The following MAP2K4 variants were observed in gnomAD, a reference collection of about 807,000 sequenced individuals.
The protein encoded by MAP2K4 is dual specificity mitogen-activated protein kinase kinase 4.
In MAP2K4, 4 loss-of-function variants were observed where a neutral mutation model predicts 48.5. The ratio of observed to expected loss-of-function variants is 0.08; its 90% confidence interval spans 0.04 to 0.19. MAP2K4 has a LOEUF of 0.19. MAP2K4 is among the 10% of genes least tolerant of loss of function. The pLI is 1.00. For synonymous variants in MAP2K4, 166 were observed against 173.1 expected, an observed-to-expected ratio of 0.96 and a Z score of 0.32; for missense variants, 258 against 493.3, an observed-to-expected ratio of 0.52 and a Z score of 4.52.
chr17:12,130,643 A>T (rs1972991825), intron 9 of MAP2K4, among the ~76,000 whole-genome samples: 1 of 152,160 alleles, frequency 6.6e-6, no homozygotes, highest in South Asian at 2.1e-4. Context: ...TAGACATTGG[A>T]GTCCCATTGT....
chr17:12,108,274 C>G (rs910196789), intron 5 of MAP2K4, among the ~76,000 whole-genome samples: 1 of 151,804 alleles, frequency 6.6e-6, no homozygotes, highest in Non-Finnish European at 1.5e-5. Context: ...CCTTGAAGCC[C>G]CATAATTGAA....
At chr17:12,040,216 ACT>A (rs1969735507) in intron 1 of MAP2K4, among the ~76,000 whole-genome samples, 1 of 152,224 alleles carries the variant, frequency 6.6e-6, no homozygotes, top group East Asian at 1.9e-4. Flanking sequence ...GAAGAGGTTG[ACT>A]CTCATTTTCA....
rs1216326359 is a variant in MAP2K4 at position 12,020,964 on chromosome 17, C to T, written c.78C>T (p.Ser26=). 1.7e-5 allele frequency: 21 copies of T among 1,215,076 alleles called. No individual in the cohort carries two copies. Among genetic ancestry groups the T allele is most frequent in the Admixed American group, 4.3e-5 (1 of 23,046 alleles). 75.3% of individuals were successfully genotyped at this position (1,215,076 alleles called of 1,614,324 possible). The change falls in exon 1 of 11, where the codon TCC becomes TCT. Residue 26 remains serine, a synonymous_variant. Transcript: ENST00000353533. ...GCGGCACCCCCGGCCCCGTAGGGTC[C>T]CCGGCGCCAGGCCACCCGGCCGTCA... is the stretch of plus-strand genomic sequence containing the variant. ...SGSGTPGPVG[S]PAPGHPAVSS...
At chr17:12,066,753 G>C (rs1176079967) in intron 2 of MAP2K4, among the ~76,000 whole-genome samples, 1 of 152,062 alleles carries the variant, frequency 6.6e-6, no homozygotes, top group Non-Finnish European at 1.5e-5. Context: ...GCTGTGGCGT[G>C]ATCTCCGCTC....
intron 2 of MAP2K4, among the ~76,000 whole-genome samples, chr17:12,074,092 T>G (rs1970915250): frequency 6.6e-6 from 1 of 152,204 alleles, no homozygotes; most frequent in Non-Finnish European, 1.5e-5. Context: ...GTTTTTGTGT[T>G]TAGACATTTG....
At chr17:12,101,643 G>C (rs1165371109) in intron 4 of MAP2K4, among the ~76,000 whole-genome samples, 2 of 152,032 alleles carry the variant, frequency 1.3e-5, no homozygotes. Flanking sequence ...ACAGTATTAA[G>C]TCTGTTGACC....
chr17:12,126,517 A>G (rs576202242), intron 8 of MAP2K4, among the ~76,000 whole-genome samples: 1 of 152,298 alleles, frequency 6.6e-6, no homozygotes, highest in South Asian at 2.1e-4. Flanking sequence ...CTGGTTCATA[A>G]ACAGCCATCT....
chr17:12,127,445 T>C (rs901729024), intron 8 of MAP2K4, among the ~76,000 whole-genome samples: 24 of 152,252 alleles, frequency 1.6e-4, no homozygotes, highest in African/African-American at 5.3e-4. Context: ...AAAGCAAGTA[T>C]GTACTTCTTT....
chr17:12,022,248 C>G (rs1445489619), intron 1 of MAP2K4, among the ~76,000 whole-genome samples: 3 of 152,142 alleles, frequency 2.0e-5, no homozygotes, highest in Non-Finnish European at 2.9e-5. Flanking sequence ...CTGTCACCCT[C>G]CCCATGAAAT....
At chr17:12,040,361 G>A (rs1049056716) in intron 1 of MAP2K4, among the ~76,000 whole-genome samples, 3 of 152,158 alleles carry the variant, frequency 2.0e-5, no homozygotes, top group Non-Finnish European at 4.4e-5. Context: ...CAGTACTGAA[G>A]GATATGAAAG....
At chr17:12,095,350 C>A in intron 3 of MAP2K4, 1 of 536,112 alleles carries the variant, frequency 1.9e-6, no homozygotes, top group Non-Finnish European at 3.4e-6. Flanking sequence ...GGTTAAATTG[C>A]CCTGTCTCCT....
chr17:12,075,095 G>A (rs1160854126), intron 2 of MAP2K4, among the ~76,000 whole-genome samples: 4 of 152,180 alleles, frequency 2.6e-5, no homozygotes, highest in African/African-American at 9.7e-5. Flanking sequence ...TTGAGAAAGA[G>A]CATCTCCAAA....
chr17:12,080,348 CT>C, intron 2 of MAP2K4, among the ~76,000 whole-genome samples: 1 of 152,204 alleles, frequency 6.6e-6, no homozygotes, highest in Middle Eastern at 3.4e-3. Context: ...TTAATGAATT[CT>C]TTCATTGTGT....
intron 1 of MAP2K4, among the ~76,000 whole-genome samples, chr17:12,025,207 A>G (rs747624838): frequency 6.6e-6 from 1 of 152,236 alleles, no homozygotes; most frequent in Non-Finnish European, 1.5e-5. Context: ...TGCTGTTTAC[A>G]AACACTGAGA....
chr17:12,069,297 A>G (rs566374995), intron 2 of MAP2K4, among the ~76,000 whole-genome samples: 7 of 152,286 alleles, frequency 4.6e-5, no homozygotes, highest in African/African-American at 1.2e-4. Context: ...CATGTAACCT[A>G]TAGATTTAGG....
chr17:12,041,118 A>G (rs1350358587), intron 1 of MAP2K4, among the ~76,000 whole-genome samples: 4 of 152,246 alleles, frequency 2.6e-5, no homozygotes, highest in African/African-American at 9.6e-5. Context: ...ATTTAGTCCA[A>G]CCTTTTAAAA....
intron 1 of MAP2K4, among the ~76,000 whole-genome samples, chr17:12,051,342 G>A (rs1347068260): frequency 6.6e-6 from 1 of 152,294 alleles, no homozygotes; most frequent in Admixed American, 6.5e-5. Context: ...GTTGTCTGAG[G>A]CTGTCCATGT....
chr17:12,110,307 A>G, intron 5 of MAP2K4, 68 bp from the exon 6 acceptor site: 1 of 1,074,364 alleles, frequency 9.3e-7, no homozygotes. Context: ...ATTACTTGTG[A>G]TAAACTGTTG....
chr17:12,107,163 T>A (rs770174676), intron 4 of MAP2K4, among the ~76,000 whole-genome samples: 1 of 152,078 alleles, frequency 6.6e-6, no homozygotes, highest in Admixed American at 6.6e-5. Context: ...CTGGCAGAGG[T>A]TACATTCTAG....
Sources: allele counts gnomAD v4.1 joint callset (sites outside exome capture counted in the v4.1 genomes callset), GRCh38; gene constraint gnomAD v4.1.1; transcripts MANE v1.5; gene names NCBI Gene and HGNC (gene_info 2026-07-23, HGNC 2026-07-21).